RIPOR2: variants seen among roughly 807,000 people sequenced by gnomAD.
The protein encoded by RIPOR2 is rho family-interacting cell polarization regulator 2.
Under a neutral mutation model 114.5 loss-of-function variants are expected in RIPOR2, and 39 were observed. The observed-to-expected ratio is 0.34, with a 90% CI of 0.26 to 0.44. The LOEUF is 0.44. Among genes scored for constraint, RIPOR2 ranks in the 20% least tolerant of loss-of-function variants. The pLI, the probability that RIPOR2 is intolerant of heterozygous loss-of-function variation, is 1.00. For missense variants in RIPOR2, 1,007 were observed against 1,255.1 expected, an observed-to-expected ratio of 0.80 and a Z score of 2.99; for synonymous variants, 445 against 484.4, an observed-to-expected ratio of 0.92 and a Z score of 1.07.
In RIPOR2 at chr6:25,008,190, ATTAAG is replaced by A. The variant is rs546455164; in HGVS notation, c.76+33656_76+33660del. ...TGGTGAAAGGGACTTTGCAGATATA[ATTAAG>A]TTAAGCATTTTTTTTTTCAACCATG... On this transcript the variant is annotated intron_variant, in intron 1 of 13. Coordinates refer to the RIPOR2 transcript ENST00000510784. 2.6e-4 allele frequency among the ~76,000 whole-genome samples: 36 copies of A among 138,070 alleles called. 2 individuals are homozygous for A. The highest frequency in any genetic ancestry group is 9.0e-4 in the African/African-American group (32 of 35,676). The allele number at this position is 138,070 out of a possible 152,430, so 90.6% of individuals were successfully genotyped here. A position where few individuals can be genotyped will look rare whatever the true frequency, so the allele number is the denominator to read the frequency against.
At chr6:24,996,054 G>A (rs990387425) in intron 1 of RIPOR2, among the ~76,000 whole-genome samples, 1 of 152,060 alleles carries the variant, frequency 6.6e-6, no homozygotes, top group Non-Finnish European at 1.5e-5. Context: ...CACCTGCCTC[G>A]GCCTCCCAAA....
At chr6:24,840,864 T>C in intron 13 of RIPOR2, 1 of 1,227,702 alleles carries the variant, frequency 8.1e-7, no homozygotes, top group Non-Finnish European at 1.2e-6. Context: ...GCCCCAGACC[T>C]AAACACACTC....
chr6:24,894,893 T>C (rs764140920), intron 1 of RIPOR2, among the ~76,000 whole-genome samples: 3 of 152,204 alleles, frequency 2.0e-5, no homozygotes, highest in Non-Finnish European at 4.4e-5. Flanking sequence ...ATGGGTTTAT[T>C]TGAAGACATC....
chr6:25,010,664 A>G (rs186263111), intron 1 of RIPOR2, among the ~76,000 whole-genome samples: 6 of 152,330 alleles, frequency 3.9e-5, no homozygotes, highest in Non-Finnish European at 8.8e-5. Context: ...GGGCTTTATA[A>G]GTAGGAGCCT....
At chr6:24,892,411 C>T (rs1487483445) in intron 1 of RIPOR2, among the ~76,000 whole-genome samples, 1 of 152,166 alleles carries the variant, frequency 6.6e-6, no homozygotes, top group Non-Finnish European at 1.5e-5. Context: ...CTGCATCATT[C>T]CGTATGCTCA....
chr6:24,901,457 C>T (rs763559636), intron 1 of RIPOR2, among the ~76,000 whole-genome samples: 6 of 152,148 alleles, frequency 3.9e-5, no homozygotes, highest in Non-Finnish European at 7.4e-5. Flanking sequence ...AAAAAATGAC[C>T]CTTAAAAAAG....
chr6:24,910,801 T>G, intron 1 of RIPOR2: 1 of 985,078 alleles, frequency 1.0e-6, no homozygotes, highest in Non-Finnish European at 1.2e-6. Flanking sequence ...AAAGGAGAAA[T>G]GAAAAGGTGA....
intron 1 of RIPOR2, among the ~76,000 whole-genome samples, chr6:25,006,451 T>TA (rs1464719046): frequency 6.6e-6 from 1 of 152,226 alleles, no homozygotes; most frequent in East Asian, 1.9e-4. Flanking sequence ...CTTCAGGCCT[T>TA]AAAGTCTCAT....
At chr6:24,876,736 G>C (rs1274703961) in intron 1 of RIPOR2, among the ~76,000 whole-genome samples, 1 of 152,158 alleles carries the variant, frequency 6.6e-6, no homozygotes, top group Non-Finnish European at 1.5e-5. Flanking sequence ...AGGGCGGTCG[G>C]GGGGAAGGTA....
intron 1 of RIPOR2, among the ~76,000 whole-genome samples, chr6:24,906,545 G>A (rs1769017747): frequency 6.6e-6 from 1 of 152,090 alleles, no homozygotes; most frequent in Non-Finnish European, 1.5e-5. Flanking sequence ...GGTGTCTATG[G>A]GGCAAACCAG....
In RIPOR2 at chr6:24,858,245, T is replaced by C. The variant is rs1481244316; in HGVS notation, c.715+2728A>G. Among the ~76,000 whole-genome samples the C allele has an allele frequency of 4.6e-5, 7 of 152,206 alleles. No individual in the cohort carries two copies. The highest frequency in any genetic ancestry group is 4.6e-4 in the Admixed American group (7 of 15,282). On this transcript the variant is annotated intron_variant, in intron 8 of 21. Coordinates refer to ENST00000643898, the MANE Select transcript of RIPOR2 (RefSeq NM_001286445.3). The surrounding 1 kb of genome is among the most constrained non-coding windows in gnomAD (Gnocchi z 4.0). ...CAAGGCCAGGGAGCAGTCATCAGAATGCAGTCAAGTGCCTGGCCAATAGCA... is the reference window on the plus strand; with the variant it reads ...CAAGGCCAGGGAGCAGTCATCAGAACGCAGTCAAGTGCCTGGCCAATAGCA...
At chr6:24,981,080 C>T (rs1165926073) in intron 1 of RIPOR2, among the ~76,000 whole-genome samples, 2 of 152,100 alleles carry the variant, frequency 1.3e-5, no homozygotes, top group Non-Finnish European at 2.9e-5. Flanking sequence ...TTTTGCTCTC[C>T]TTCATTTGAA....
At chr6:24,957,847 C>G (rs1465906896) in intron 1 of RIPOR2, among the ~76,000 whole-genome samples, 1 of 152,134 alleles carries the variant, frequency 6.6e-6, no homozygotes, top group African/African-American at 2.4e-5. Flanking sequence ...TGCACTCCAG[C>G]CTGGGCGACA....
chr6:24,954,634 G>C (rs760378403), intron 1 of RIPOR2, among the ~76,000 whole-genome samples: 1 of 151,552 alleles, frequency 6.6e-6, no homozygotes, highest in African/African-American at 2.4e-5. Flanking sequence ...TTTTTGTAGA[G>C]ACAATATCTC....
At chr6:24,863,017 G>T (rs1250018036) in intron 7 of RIPOR2, among the ~76,000 whole-genome samples, 1 of 151,920 alleles carries the variant, frequency 6.6e-6, no homozygotes, top group African/African-American at 2.4e-5. Context: ...TAGTGGCGCC[G>T]TCTCAGCTCA....
chr6:24,882,683 A>AT (rs1323269015), intron 1 of RIPOR2, among the ~76,000 whole-genome samples: 1 of 152,154 alleles, frequency 6.6e-6, no homozygotes, highest in African/African-American at 2.4e-5. Context: ...GTTCTGTTAA[A>AT]TTTTCTCTAG....
intron 1 of RIPOR2, among the ~76,000 whole-genome samples, chr6:25,002,388 T>C (rs1252641305): frequency 6.6e-6 from 1 of 152,222 alleles, no homozygotes; most frequent in Non-Finnish European, 1.5e-5. Context: ...ACAGAAGGAC[T>C]TATCCAAATG....
chr6:24,808,923 C>A (rs964731832), intron 21 of RIPOR2, among the ~76,000 whole-genome samples: 4 of 151,832 alleles, frequency 2.6e-5, no homozygotes, highest in African/African-American at 7.3e-5. Flanking sequence ...CCACACCTGG[C>A]TAATTTTTGT....
intron 1 of RIPOR2, among the ~76,000 whole-genome samples, chr6:25,018,863 A>G (rs1459178896): frequency 2.0e-5 from 3 of 152,156 alleles, no homozygotes; most frequent in Non-Finnish European, 4.4e-5. Flanking sequence ...GTTCCCCAAT[A>G]ACTTTTCATT....
Sources: allele counts gnomAD v4.1 joint callset (sites outside exome capture counted in the v4.1 genomes callset), GRCh38; gene constraint gnomAD v4.1.1; non-coding constraint Gnocchi (gnomAD v3.1); transcripts MANE v1.5; gene names NCBI Gene and HGNC (gene_info 2026-07-23, HGNC 2026-07-21).